ASTN2: variants seen among roughly 807,000 people sequenced by gnomAD.
ASTN2 encodes the protein astrotactin 2, also known as astrotactin-2.
A neutral mutation model predicts 139.8 loss-of-function variants in ASTN2; 54 were observed. The ratio of observed to expected loss-of-function variants is 0.39; its 90% CI spans 0.31 to 0.48. The LOEUF is 0.48. Ranked by LOEUF, ASTN2 falls within the 20% of genes least tolerant of loss-of-function variation. The pLI, the probability that ASTN2 is intolerant of heterozygous loss-of-function variation, is 0.95. For missense variants in ASTN2, 1,565 were observed against 1,725.1 expected, an observed-to-expected ratio of 0.91 and a Z score of 1.64; for synonymous variants, 756 against 719.5, an observed-to-expected ratio of 1.05 and a Z score of -0.81.
intron 13 of ASTN2, among the ~76,000 whole-genome samples, chr9:116,797,522 C>T (rs1224853541): frequency 6.6e-6 from 1 of 152,090 alleles, no homozygotes; most frequent in Admixed American, 6.6e-5. Context: ...GCCAATGGTC[C>T]CTCAAAGAAG....
intron 20 of ASTN2, among the ~76,000 whole-genome samples, chr9:116,446,652 C>T (rs1180849923): frequency 1.3e-5 from 2 of 152,132 alleles, no homozygotes; most frequent in East Asian, 1.9e-4. Context: ...TCATGGATAA[C>T]GTTGGATGAG....
chr9:116,655,111 AAAATAAGG>A (rs766249189), intron 16 of ASTN2, among the ~76,000 whole-genome samples: 11 of 152,194 alleles, frequency 7.2e-5, no homozygotes, highest in Non-Finnish European at 1.0e-4. Flanking sequence ...ACCTATTACC[AAAATAAGG>A]AAAGGGACTT....
At position 117,234,517 on chromosome 9, in the gene ASTN2, G is replaced by A. The variant is rs118165446; in HGVS notation, c.631-19775C>T. 5.9e-5 allele frequency among the ~76,000 whole-genome samples: 9 copies of A among 152,242 alleles called. No individual in the cohort carries two copies. In the East Asian group the frequency reaches 1.4e-3, roughly 23 times the overall value. On this transcript the variant is annotated intron_variant, in intron 2 of 22. Transcript: ENST00000313400. Reference sequence around the variant, plus strand: ...ATCCCACTTTCCAAATATCAGAACGGACAGGAACTCAGAGATCTTAAGGTT... The same window carrying A: ...ATCCCACTTTCCAAATATCAGAACGAACAGGAACTCAGAGATCTTAAGGTT...
At chr9:116,933,197 A>G (rs148291308) in intron 10 of ASTN2, among the ~76,000 whole-genome samples, 3,580 of 152,138 alleles carry the variant, frequency 0.024, 55 homozygotes, top group Middle Eastern at 0.054. Flanking sequence ...GATTTTTTAC[A>G]GACATTCAAA....
intron 10 of ASTN2, among the ~76,000 whole-genome samples, chr9:116,875,191 G>A (rs901605643): frequency 6.6e-6 from 1 of 152,208 alleles, no homozygotes; most frequent in African/African-American, 2.4e-5. Flanking sequence ...AGTTAGGCAA[G>A]ATGTGAATGC....
At chr9:117,376,010 G>T (rs998247793) in intron 1 of ASTN2, among the ~76,000 whole-genome samples, 4 of 152,068 alleles carry the variant, frequency 2.6e-5, no homozygotes, top group Non-Finnish European at 5.9e-5. Flanking sequence ...TAAGGACACA[G>T]TGATTACATA....
intron 10 of ASTN2, among the ~76,000 whole-genome samples, chr9:116,877,837 C>G (rs1379656180): frequency 1.3e-5 from 2 of 152,174 alleles, no homozygotes; most frequent in Non-Finnish European, 2.9e-5. Context: ...AGAAATTCTC[C>G]TCTTCACTTA....
At chr9:117,263,900 C>A (rs1181804503) in intron 2 of ASTN2, among the ~76,000 whole-genome samples, 1 of 152,090 alleles carries the variant, frequency 6.6e-6, no homozygotes, top group Non-Finnish European at 1.5e-5. Context: ...GGCACAGTGG[C>A]TCATGCCTGG....
chr9:117,246,142 C>CA (rs1292360400), intron 2 of ASTN2, among the ~76,000 whole-genome samples: 11 of 148,982 alleles, frequency 7.4e-5, no homozygotes, highest in African/African-American at 2.7e-4. Flanking sequence ...GAATTGAAAA[C>CA]AAACAAAAAA....
At chr9:117,232,770 C>T (rs1832933440) in intron 2 of ASTN2, among the ~76,000 whole-genome samples, 1 of 152,184 alleles carries the variant, frequency 6.6e-6, no homozygotes, top group Non-Finnish European at 1.5e-5. Flanking sequence ...ATTGTCTCTT[C>T]TCCCTTTGTT....
At chr9:116,840,082 A>C (rs1259027709) in intron 11 of ASTN2, among the ~76,000 whole-genome samples, 41 of 148,062 alleles carry the variant, frequency 2.8e-4, no homozygotes, top group Non-Finnish European at 5.5e-4. Context: ...ATGACTCTTA[A>C]GGAGCATGCT....
intron 19 of ASTN2, among the ~76,000 whole-genome samples, chr9:116,529,873 G>A (rs992298360): frequency 6.6e-6 from 1 of 151,908 alleles, no homozygotes; most frequent in Non-Finnish European, 1.5e-5. Context: ...CAGCCATGGG[G>A]AACTGTGAGT....
At chr9:117,248,097 G>A (rs146673462) in intron 2 of ASTN2, among the ~76,000 whole-genome samples, 17 of 152,298 alleles carry the variant, frequency 1.1e-4, no homozygotes, top group African/African-American at 2.9e-4. Context: ...GTCAGTCAAC[G>A]CCCCAGCCTC....
intron 13 of ASTN2, among the ~76,000 whole-genome samples, chr9:116,801,717 A>C (rs1489145084): frequency 2.6e-5 from 4 of 152,082 alleles, no homozygotes; most frequent in Admixed American, 2.0e-4. Context: ...CTGACTTAGC[A>C]TGGTTCCAAG....
At position 116,468,905 on chromosome 9, in the gene ASTN2, T is replaced by C. The variant is rs182311118; in HGVS notation, c.3497+18454A>G. Among the ~76,000 whole-genome samples, 223 of 152,360 alleles carry C rather than the reference T, an allele frequency of 1.5e-3. 3 individuals carry two copies. The highest frequency in any genetic ancestry group is 5.1e-3 in the African/African-American group (214 of 41,590). ...TTGCTTCTCAGTAACTTTGCACATA[T>C]GACCTCCTCTTCTTGGAAAATCATG... On this transcript the variant is annotated intron_variant, in intron 20 of 22. Coordinates refer to ENST00000313400, the MANE Select transcript of ASTN2 (RefSeq NM_001365068.1).
At chr9:116,544,335 C>T (rs894138950) in intron 19 of ASTN2, among the ~76,000 whole-genome samples, 1 of 152,184 alleles carries the variant, frequency 6.6e-6, no homozygotes, top group Non-Finnish European at 1.5e-5. Flanking sequence ...CATCTTGTGA[C>T]AGCAGTCCCC....
chr9:117,046,603 G>A (rs1299449274), intron 5 of ASTN2, among the ~76,000 whole-genome samples: 1 of 152,156 alleles, frequency 6.6e-6, no homozygotes, highest in Non-Finnish European at 1.5e-5. Flanking sequence ...AGCAGGATAT[G>A]TGATACTGTT....
chr9:117,094,208 AG>A (rs1469358305), intron 5 of ASTN2, among the ~76,000 whole-genome samples: 1,627 of 130,534 alleles, frequency 0.012, 46 homozygotes, highest in African/African-American at 0.044. Flanking sequence ...AGAGGAGAGG[AG>A]AGGAGAGGAA....
chr9:116,968,215 T>C (rs771630401), intron 10 of ASTN2, among the ~76,000 whole-genome samples: 3 of 152,226 alleles, frequency 2.0e-5, no homozygotes, highest in Non-Finnish European at 2.9e-5. Context: ...CTTCTCTTTC[T>C]GGTTTTTCTA....
Sources: allele counts gnomAD v4.1 joint callset (sites outside exome capture counted in the v4.1 genomes callset), GRCh38; gene constraint gnomAD v4.1.1; transcripts MANE v1.5; gene names NCBI Gene and HGNC (gene_info 2026-07-23, HGNC 2026-07-21).